The following IQCM variants were observed in gnomAD, a reference collection of about 807,000 sequenced individuals.
IQCM encodes IQ domain-containing protein M.
In IQCM, 45 loss-of-function variants were observed where a neutral mutation model predicts 57.6. That is an observed-to-expected ratio of 0.78 (90% confidence interval 0.62 to 1.00). The LOEUF is 1.00. Among genes scored for constraint, IQCM ranks in the 50% least tolerant of loss-of-function variants. The probability of loss-of-function intolerance (pLI) is 0.00; values close to 1 mark genes in which losing one functional copy is unlikely to be tolerated. For synonymous variants in IQCM, 148 were observed against 158.9 expected (o/e 0.93, Z 0.51); for missense variants, 468 against 511.6 (o/e 0.91, Z 0.82).
intron 7 of IQCM, among the ~76,000 whole-genome samples, chr4:149,679,580 T>C (rs1298468528): frequency 6.6e-6 from 1 of 151,552 alleles, no homozygotes; most frequent in Non-Finnish European, 1.5e-5. Context: ...CAAGAACTGA[T>C]TTGATCTTTA....
intron 5 of IQCM, among the ~76,000 whole-genome samples, chr4:149,691,174 T>A (rs79620650): frequency 0.018 from 2,807 of 152,212 alleles, 89 homozygotes; most frequent in African/African-American, 0.064. Context: ...CTTAGAGACA[T>A]CCCATAGATT....
intron 7 of IQCM, among the ~76,000 whole-genome samples, chr4:149,676,123 T>C (rs1267589558): frequency 1.3e-5 from 2 of 152,066 alleles, no homozygotes; most frequent in Admixed American, 1.3e-4. Flanking sequence ...TTGAGGAATA[T>C]CAATTTAAGA....
intron 12 of IQCM, among the ~76,000 whole-genome samples, chr4:149,502,620 G>A (rs577490858): frequency 6.6e-6 from 1 of 152,276 alleles, no homozygotes; most frequent in East Asian, 1.9e-4. Flanking sequence ...GCTGCAGTGA[G>A]CCATGCTCAC....
At chr4:149,713,807 T>C (rs573297176) in intron 5 of IQCM, among the ~76,000 whole-genome samples, 1 of 152,334 alleles carries the variant, frequency 6.6e-6, no homozygotes, top group Admixed American at 6.5e-5. Context: ...CACTCTCATC[T>C]TCTTATAGAT....
intron 5 of IQCM, chr4:149,711,253 CA>C (rs1764540818): frequency 6.6e-6 from 1 of 152,138 alleles, no homozygotes; most frequent in African/African-American, 2.4e-5. Flanking sequence ...GAGTCACTTC[CA>C]TACTCCCAAG....
chr4:149,502,021 A>T (rs1197896621), intron 12 of IQCM, among the ~76,000 whole-genome samples: 26 of 152,114 alleles, frequency 1.7e-4, no homozygotes, highest in Non-Finnish European at 2.9e-5. Context: ...AGGCTCATAC[A>T]CCACTGGTTA....
chr4:149,729,527 T>C (rs931271712), intron 5 of IQCM, among the ~76,000 whole-genome samples: 7 of 152,004 alleles, frequency 4.6e-5, no homozygotes, highest in South Asian at 4.2e-4. Flanking sequence ...CAGGCTGGAG[T>C]GCAGTGGCAC....
At chr4:149,754,665 C>T (rs1768796116) in intron 2 of IQCM, among the ~76,000 whole-genome samples, 1 of 152,162 alleles carries the variant, frequency 6.6e-6, no homozygotes, top group African/African-American at 2.4e-5. Flanking sequence ...GTTACCTTCT[C>T]TTACTTCCTT....
intron 12 of IQCM, among the ~76,000 whole-genome samples, chr4:149,544,997 T>C (rs970027829): frequency 4.3e-4 from 65 of 152,172 alleles, no homozygotes; most frequent in African/African-American, 1.3e-3. Context: ...TGGTTTTTTT[T>C]AGTATGACCC....
At chr4:149,469,784 A>G (rs994668890) in intron 12 of IQCM, among the ~76,000 whole-genome samples, 1 of 152,204 alleles carries the variant, frequency 6.6e-6, no homozygotes, top group African/African-American at 2.4e-5. Flanking sequence ...CTCGGCAGAA[A>G]CTCTACAAGC....
At chr4:149,734,431 A>T (rs558547342) in intron 4 of IQCM, among the ~76,000 whole-genome samples, 1 of 152,260 alleles carries the variant, frequency 6.6e-6, no homozygotes, top group Admixed American at 6.5e-5. Flanking sequence ...TTAGAGGAAA[A>T]ATTAGTTAAG....
intron 7 of IQCM, among the ~76,000 whole-genome samples, chr4:149,648,391 C>A (rs1352389329): frequency 6.6e-6 from 1 of 152,142 alleles, no homozygotes; most frequent in Non-Finnish European, 1.5e-5. Flanking sequence ...TTTTTTATGG[C>A]TGCATAGTAT....
intron 8 of IQCM, among the ~76,000 whole-genome samples, chr4:149,611,644 T>C (rs1212076544): frequency 6.6e-6 from 1 of 151,966 alleles, no homozygotes. Flanking sequence ...TTTTATCTCA[T>C]GGAGAGAGGG....
chr4:149,451,105 G>T (rs7660778), intron 12 of IQCM, among the ~76,000 whole-genome samples: 11,206 of 151,812 alleles, frequency 0.074, 547 homozygotes, highest in Non-Finnish European at 0.12. Flanking sequence ...AAGATCACAT[G>T]TTCTTACTTA....
intron 2 of IQCM, among the ~76,000 whole-genome samples, chr4:149,775,432 A>T (rs1001926876): frequency 5.9e-5 from 9 of 152,208 alleles, no homozygotes; most frequent in African/African-American, 2.2e-4. Flanking sequence ...GAGACAAAAA[A>T]TAAAAATAAA....
chr4:149,475,929 G>A (rs1291843514), intron 12 of IQCM, among the ~76,000 whole-genome samples: 1 of 152,110 alleles, frequency 6.6e-6, no homozygotes, highest in African/African-American at 2.4e-5. Flanking sequence ...AATAAGATGT[G>A]AGGAATTGAA....
intron 7 of IQCM, among the ~76,000 whole-genome samples, chr4:149,672,425 A>C (rs1761379111): frequency 6.6e-6 from 1 of 152,160 alleles, no homozygotes; most frequent in Non-Finnish European, 1.5e-5. Context: ...AGTAGAGAAG[A>C]CCTTAAATGA....
intron 7 of IQCM, among the ~76,000 whole-genome samples, chr4:149,646,565 A>T (rs758986039): frequency 1.3e-5 from 2 of 152,166 alleles, no homozygotes; most frequent in Non-Finnish European, 2.9e-5. Flanking sequence ...AAGTTGACAA[A>T]CTTTTTACTT....
At chr4:149,584,421 G>C (rs1037460362) in intron 9 of IQCM, among the ~76,000 whole-genome samples, 1 of 151,504 alleles carries the variant, frequency 6.6e-6, no homozygotes, top group African/African-American at 2.4e-5. Context: ...TTGAGCATAG[G>C]TGTATATGAA....
Sources: gnomAD v4.1 joint callset for allele counts (sites outside exome capture counted in the v4.1 genomes callset) on GRCh38, gnomAD v4.1.1 for gene constraint, MANE v1.5 for transcripts, NCBI Gene and HGNC (gene_info 2026-07-23, HGNC 2026-07-21) for gene names.